Variants in ERC2 observed in about 807,000 individuals in gnomAD.
ERC2 encodes ERC protein 2.
A neutral mutation model predicts 114.8 loss-of-function variants in ERC2; 42 were observed. The observed-to-expected ratio is 0.37, with a 90% confidence interval of 0.29 to 0.47. The LOEUF is 0.47. ERC2 is among the 20% of genes least tolerant of loss of function. The probability of loss-of-function intolerance (pLI) is 0.99; values close to 1 mark genes in which losing one functional copy is unlikely to be tolerated. For missense variants in ERC2, 939 were observed against 1,150.7 expected (o/e 0.82, Z 2.66); for synonymous variants, 454 against 425.5 (o/e 1.07, Z -0.82).
intron 2 of ERC2, among the ~76,000 whole-genome samples, chr3:56,359,530 T>C (rs2058867952): frequency 6.6e-6 from 1 of 152,262 alleles, no homozygotes; most frequent in South Asian, 2.1e-4. Context: ...ATAGACATTA[T>C]TATTCCCATT....
chr3:55,977,454 A>G (rs2069683594), intron 12 of ERC2, among the ~76,000 whole-genome samples: 1 of 152,238 alleles, frequency 6.6e-6, no homozygotes, highest in South Asian at 2.1e-4. Context: ...ATAAAAGAAT[A>G]TGACAAAGTA....
chr3:55,703,608 T>C (rs1000927916), intron 15 of ERC2, among the ~76,000 whole-genome samples: 5 of 152,210 alleles, frequency 3.3e-5, no homozygotes, highest in Non-Finnish European at 5.9e-5. Context: ...TATGTGTGGA[T>C]TGCCCTTGCA....
At chr3:55,779,045 G>T (rs967115498) in intron 14 of ERC2, among the ~76,000 whole-genome samples, 2 of 151,862 alleles carry the variant, frequency 1.3e-5, no homozygotes, top group African/African-American at 2.4e-5. Context: ...TAATCTAAAT[G>T]GGCCAATAAC....
chr3:56,373,672 T>C (rs187872561), intron 2 of ERC2, among the ~76,000 whole-genome samples: 79 of 152,300 alleles, frequency 5.2e-4, no homozygotes, highest in Non-Finnish European at 9.3e-4. Context: ...GCCAAGACCG[T>C]CTCTGTTGTA....
chr3:56,101,170 G>A (rs186920480), intron 6 of ERC2, among the ~76,000 whole-genome samples: 1 of 152,322 alleles, frequency 6.6e-6, no homozygotes, highest in African/African-American at 2.4e-5. Flanking sequence ...AATCAGAGAT[G>A]AGTGGGCAGG....
At chr3:56,215,581 C>G (rs2049405517) in intron 3 of ERC2, among the ~76,000 whole-genome samples, 1 of 152,102 alleles carries the variant, frequency 6.6e-6, no homozygotes, top group Non-Finnish European at 1.5e-5. Context: ...TTAGACAGAT[C>G]AATGGGACAG....
At chr3:55,860,978 C>T (rs538354533) in intron 14 of ERC2, among the ~76,000 whole-genome samples, 39 of 152,288 alleles carry the variant, frequency 2.6e-4, no homozygotes, top group Admixed American at 5.2e-4. Context: ...AAATCCCTGA[C>T]ATTTTAGAAG....
intron 3 of ERC2, among the ~76,000 whole-genome samples, chr3:56,187,003 T>C (rs2150059072): frequency 6.6e-6 from 1 of 152,238 alleles, no homozygotes; most frequent in Middle Eastern, 3.4e-3. Flanking sequence ...TCAGGAAAGC[T>C]TTAAGGGAGG....
intron 17 of ERC2, among the ~76,000 whole-genome samples, chr3:55,515,667 C>G (rs2052444558): frequency 6.7e-6 from 1 of 148,714 alleles, no homozygotes; most frequent in Non-Finnish European, 1.5e-5. Flanking sequence ...TTGGGTGGGA[C>G]TGCTGCTCTT....
intron 7 of ERC2, among the ~76,000 whole-genome samples, chr3:56,064,536 CT>C (rs1023904824): frequency 9.8e-5 from 15 of 152,340 alleles, no homozygotes; most frequent in South Asian, 6.2e-4. Flanking sequence ...TTCATTCAGA[CT>C]TTATTCACAA....
At chr3:56,005,996 C>A (rs577800585) in intron 10 of ERC2, among the ~76,000 whole-genome samples, 1 of 152,108 alleles carries the variant, frequency 6.6e-6, no homozygotes, top group Admixed American at 6.6e-5. Context: ...TTCAAGATTT[C>A]TGCTTAACTA....
At chr3:56,000,682 G>A (rs1199801261) in intron 10 of ERC2, among the ~76,000 whole-genome samples, 1 of 152,096 alleles carries the variant, frequency 6.6e-6, no homozygotes, top group East Asian at 1.9e-4. Context: ...TTTAATCAGT[G>A]CTGGAAGAAG....
At chr3:56,109,853 A>T (rs1175480502) in intron 6 of ERC2, among the ~76,000 whole-genome samples, 5 of 152,210 alleles carry the variant, frequency 3.3e-5, no homozygotes, top group Admixed American at 2.6e-4. Context: ...AGAAGACAGG[A>T]CTTATCTGAT....
intron 14 of ERC2, among the ~76,000 whole-genome samples, chr3:55,804,935 G>A (rs2059434057): frequency 6.6e-6 from 1 of 151,934 alleles, no homozygotes; most frequent in African/African-American, 2.4e-5. Flanking sequence ...CAACTCATAG[G>A]AGATAAAGCA....
rs1368297610 is a variant in ERC2 at position 56,149,012 on chromosome 3, C to A, written c.1270G>T (p.Val424Phe). The change falls in exon 5 of 18, where the codon GTT becomes TTT. Residue 424 changes from valine to phenylalanine, a missense_variant. Val to Phe is a conservative substitution (Grantham distance 50). Coordinates refer to ENST00000288221, the MANE Select transcript of ERC2 (RefSeq NM_015576.3). ...ATAAACTTGGAGTGACTTTTGTAAACCTCAATTTGTTTGATCTCTTCTTCG... is the reference window on the plus strand; with the variant it reads ...ATAAACTTGGAGTGACTTTTGTAAAACTCAATTTGTTTGATCTCTTCTTCG... ...DREEEIKQIEVYKSHSKFMKT... is the reference protein window; with the variant it reads ...DREEEIKQIEFYKSHSKFMKT... The A allele has an allele frequency of 6.2e-7, 1 of 1,613,360 alleles. No homozygotes were observed. Among genetic ancestry groups the A allele is most frequent in the Non-Finnish European group, 8.5e-7 (1 of 1,179,558 alleles).
At chr3:56,353,304 CT>C (rs2058619935) in intron 2 of ERC2, among the ~76,000 whole-genome samples, 1 of 151,838 alleles carries the variant, frequency 6.6e-6, no homozygotes, top group Admixed American at 6.6e-5. Flanking sequence ...AGGCTCTCCT[CT>C]CTCTCTCTCC....
chr3:56,384,888 T>C (rs972106192), intron 2 of ERC2, among the ~76,000 whole-genome samples: 1 of 152,160 alleles, frequency 6.6e-6, no homozygotes, highest in Non-Finnish European at 1.5e-5. Flanking sequence ...AACCTCATTA[T>C]TTTACATGTC....
At chr3:56,464,998 C>T (rs2063480152) in intron 1 of ERC2, among the ~76,000 whole-genome samples, 1 of 152,156 alleles carries the variant, frequency 6.6e-6, no homozygotes, top group Non-Finnish European at 1.5e-5. Flanking sequence ...ACTGCAATAC[C>T]ATTCACCTTA....
At chr3:55,759,167 G>C (rs2067248654) in intron 14 of ERC2, among the ~76,000 whole-genome samples, 1 of 152,090 alleles carries the variant, frequency 6.6e-6, no homozygotes, top group Non-Finnish European at 1.5e-5. Flanking sequence ...CAATCCAACA[G>C]AGCATAAATT....
Sources: gnomAD v4.1 joint callset for allele counts (sites outside exome capture counted in the v4.1 genomes callset) on GRCh38, gnomAD v4.1.1 for gene constraint, MANE v1.5 for transcripts, NCBI Gene and HGNC (gene_info 2026-07-23, HGNC 2026-07-21) for gene names.